The following GNG12 variants were observed in gnomAD, a reference collection of about 807,000 sequenced individuals.
The protein encoded by GNG12 is G protein subunit gamma 12.
For synonymous variants in GNG12, 28 were observed against 29.7 expected, an observed-to-expected ratio of 0.94 and a Z score of 0.19; for missense variants, 69 against 83.8, an observed-to-expected ratio of 0.82 and a Z score of 0.69.
intron 2 of GNG12, among the ~76,000 whole-genome samples, chr1:67,726,189 A>G (rs1227782559): frequency 1.3e-5 from 2 of 152,230 alleles, no homozygotes; most frequent in African/African-American, 4.8e-5. Context: ...ATGGGTCCCA[A>G]GCATTGGCTT....
At chr1:67,802,521 A>C (rs1437329380) in intron 1 of GNG12, among the ~76,000 whole-genome samples, 1 of 152,182 alleles carries the variant, frequency 6.6e-6, no homozygotes, top group Non-Finnish European at 1.5e-5. Flanking sequence ...CTTTCCCAGA[A>C]GCAAAGTTTC....
At chr1:67,802,888 A>G (rs1646874735) in intron 1 of GNG12, among the ~76,000 whole-genome samples, 1 of 152,266 alleles carries the variant, frequency 6.6e-6, no homozygotes, top group Non-Finnish European at 1.5e-5. Context: ...GCAGACGCTC[A>G]GTCCCTGTTG....
chr1:67,773,231 CT>C (rs1303534884), intron 2 of GNG12, among the ~76,000 whole-genome samples: 1 of 152,140 alleles, frequency 6.6e-6, no homozygotes, highest in African/African-American at 2.4e-5. Context: ...TGAATTAAAA[CT>C]TTTTCTTCCT....
In GNG12 at chr1:67,764,001, C is replaced by T. The variant is rs967771132; in HGVS notation, c.-27+13457G>A. The stretch of plus-strand genomic sequence containing the variant: ...TTTCACCTTAAATTGTGGTTATAAA[C>T]GGCATTGCTCCTGTCATGCCTCTGA... On this transcript the variant is annotated intron_variant, in intron 2 of 3. Coordinates refer to ENST00000370982, the MANE Select transcript of GNG12 (RefSeq NM_018841.6). 5.3e-5 allele frequency among the ~76,000 whole-genome samples: 8 copies of T among 152,146 alleles called. No individual in the cohort carries two copies. In the East Asian group the frequency reaches 5.8e-4, roughly 11 times the overall value.
chr1:67,717,067 G>T (rs1397048089), intron 2 of GNG12, among the ~76,000 whole-genome samples: 1 of 152,142 alleles, frequency 6.6e-6, no homozygotes. Context: ...ATTCAGTAGG[G>T]CTGGAGAAGG....
intron 3 of GNG12, among the ~76,000 whole-genome samples, 180 bp downstream of exon 3, chr1:67,707,414 A>C (rs1326659549): frequency 2.0e-5 from 3 of 152,178 alleles, no homozygotes; most frequent in African/African-American, 7.2e-5. Flanking sequence ...ACACTTTTGA[A>C]GTGAGGCCCA....
chr1:67,721,843 T>A (rs1434792412), intron 2 of GNG12, among the ~76,000 whole-genome samples: 1 of 152,150 alleles, frequency 6.6e-6, no homozygotes, highest in Non-Finnish European at 1.5e-5. Flanking sequence ...CGTGACCAAC[T>A]GGGATTCCTT....
chr1:67,714,540 C>T lies in GNG12; in HGVS notation c.-26-6828G>A, dbSNP rs375255132. On this transcript the variant is annotated intron_variant, in intron 2 of 3. Transcript: ENST00000370982. ...ATAAACACAAAGGATACTTGGTTTC[C>T]GAGTGTTTAGTATCTGCATCCTCTT... Among the ~76,000 whole-genome samples, 34 of 152,240 alleles carry T rather than the reference C, an allele frequency of 2.2e-4. No homozygotes were observed. In the East Asian group the frequency reaches 4.3e-3, roughly 19 times the overall value.
rs1349854236 is a variant in GNG12 at position 67,706,719 on chromosome 1, G to A, written c.93+875C>T. On this transcript the variant is annotated intron_variant, in intron 3 of 3. Transcript: ENST00000370982. ...TGCCCAGGCTGGAGTGCAATGGCGC[G>A]ATCTTGGTTCACTGCAACCTCTGCC... 2.7e-5 allele frequency among the ~76,000 whole-genome samples: 4 copies of A among 150,134 alleles called. No homozygotes were observed. In the South Asian group the frequency reaches 6.3e-4, roughly 24 times the overall value.
At chr1:67,766,599 G>A in intron 2 of GNG12, among the ~76,000 whole-genome samples, 1 of 148,864 alleles carries the variant, frequency 6.7e-6, no homozygotes. Flanking sequence ...AAGAATATAT[G>A]TTGGTGTTTT....
At chr1:67,821,808 C>T (rs1646986318) in intron 1 of GNG12, among the ~76,000 whole-genome samples, 1 of 138,046 alleles carries the variant, frequency 7.2e-6, no homozygotes, top group Non-Finnish European at 1.7e-5. Context: ...AATAGTGGCA[C>T]ATAGAATAAT....
chr1:67,753,164 T>C (rs954640620), intron 2 of GNG12, among the ~76,000 whole-genome samples: 10 of 152,334 alleles, frequency 6.6e-5, no homozygotes, highest in African/African-American at 2.4e-4. Context: ...GGTAATTATG[T>C]TGAAAGAATT....
intron 1 of GNG12, among the ~76,000 whole-genome samples, chr1:67,833,015 C>G (rs1236822598): frequency 6.6e-6 from 1 of 152,074 alleles, no homozygotes; most frequent in South Asian, 2.1e-4. Context: ...CAGCCCTAGC[C>G]CCAGCCACAG....
At chr1:67,802,695 T>C (rs924153844) in intron 1 of GNG12, among the ~76,000 whole-genome samples, 10 of 152,214 alleles carry the variant, frequency 6.6e-5, no homozygotes, top group Non-Finnish European at 8.8e-5. Flanking sequence ...GCATCCTCTA[T>C]GCCCCAGCAC....
chr1:67,780,327 G>A (rs1028780989), intron 1 of GNG12, among the ~76,000 whole-genome samples: 1 of 152,146 alleles, frequency 6.6e-6, no homozygotes, highest in African/African-American at 2.4e-5. Flanking sequence ...CAGACAATTT[G>A]GTTCTAGACT....
chr1:67,787,035 AAG>A lies in GNG12; in HGVS notation c.-76-9530_-76-9529del, dbSNP rs1646774030. Among the ~76,000 whole-genome samples, 12 of 36,180 alleles carry A rather than the reference AAG, an allele frequency of 3.3e-4. No individual in the cohort carries two copies. The South Asian group carries it at 3.4e-3, about 10-fold the overall frequency. The allele number at this position is 36,180 out of a possible 152,430, so 23.7% of individuals were successfully genotyped here. On this transcript the variant is annotated intron_variant, in intron 1 of 3. Coordinates refer to ENST00000370982, the MANE Select transcript of GNG12 (RefSeq NM_018841.6). ...TGTGTGTGTATATATGTATGTGTAT[AAG>A]TGTGTGTGTGTGTGTGTGTGTGTGT... is the stretch of plus-strand genomic sequence containing the variant.
chr1:67,708,671 C>T (rs1192220007), intron 2 of GNG12, among the ~76,000 whole-genome samples: 1 of 152,170 alleles, frequency 6.6e-6, no homozygotes, highest in Non-Finnish European at 1.5e-5. Context: ...TTGCCTGGTG[C>T]CCTGACCTAT....
At chr1:67,734,911 T>C (rs1369343182) in intron 2 of GNG12, among the ~76,000 whole-genome samples, 3 of 152,236 alleles carry the variant, frequency 2.0e-5, no homozygotes, top group Non-Finnish European at 4.4e-5. Context: ...TGTAGTGCAA[T>C]GGCGTGATCT....
intron 1 of GNG12, among the ~76,000 whole-genome samples, chr1:67,821,761 T>C (rs1646985748): frequency 6.8e-6 from 1 of 147,642 alleles, no homozygotes; most frequent in Non-Finnish European, 1.5e-5. Flanking sequence ...CATTATAATT[T>C]AATCAGCAGC....
Sources: gnomAD v4.1 joint callset for allele counts (sites outside exome capture counted in the v4.1 genomes callset) on GRCh38, gnomAD v4.1.1 for gene constraint, MANE v1.5 for transcripts, NCBI Gene and HGNC (gene_info 2026-07-23, HGNC 2026-07-21) for gene names.